The following DCAF12 variants were observed in gnomAD, a reference collection of about 807,000 sequenced individuals.
The protein encoded by DCAF12 is DDB1 and CUL4 associated factor 12, also known as DDB1- and CUL4-associated factor 12.
A neutral mutation model predicts 52.8 loss-of-function variants in DCAF12; 28 were observed. That is an observed-to-expected ratio of 0.53 (90% confidence interval 0.39 to 0.73). The LOEUF (loss-of-function observed/expected upper bound fraction) is 0.73. Ranked by LOEUF, DCAF12 falls within the 30% of genes least tolerant of loss-of-function variation. The pLI, the probability that DCAF12 is intolerant of heterozygous loss-of-function variation, is 0.00. For synonymous variants in DCAF12, 196 were observed against 215.5 expected, an observed-to-expected ratio of 0.91 and a Z score of 0.79; for missense variants, 425 against 552.2, an observed-to-expected ratio of 0.77 and a Z score of 2.31.
intron 2 of DCAF12, among the ~76,000 whole-genome samples, chr9:34,120,295 C>A (rs1829151269): frequency 6.7e-6 from 1 of 150,122 alleles, no homozygotes; most frequent in Non-Finnish European, 1.5e-5. Context: ...CAGGAGGATC[C>A]CTTGGGCCCA....
At chr9:34,097,340 C>G (rs963836481) in intron 5 of DCAF12, among the ~76,000 whole-genome samples, 5 of 149,170 alleles carry the variant, frequency 3.4e-5, no homozygotes, top group Non-Finnish European at 7.4e-5. Flanking sequence ...CGGCTCACTG[C>G]CAACCTCCAC....
chr9:34,105,207 C>T (rs1008820726), intron 4 of DCAF12, among the ~76,000 whole-genome samples: 2 of 151,242 alleles, frequency 1.3e-5, no homozygotes, highest in Non-Finnish European at 2.9e-5. Context: ...GAGCCGAGGT[C>T]GTGCTACTGC....
rs1411604673 is a variant in DCAF12 at position 34,088,473 on chromosome 9, G to A, written c.1239C>T (p.Asp413=). ...AAACAGCATTGGGGAAGAAGTCAAT[G>A]TCTGAAAAGTAATTCCTCCAGGTTT... ...HDETWRNYFS[D]IDFFPNAVYT... Residue 413 remains aspartate (D), a synonymous_variant, in exon 9 of 9, where the codon GAC becomes GAT. Coordinates refer to ENST00000361264, the MANE Select transcript of DCAF12 (RefSeq NM_015397.4). The A allele has an allele frequency of 6.2e-7, 1 of 1,614,096 alleles. No individual in the cohort carries two copies. Among genetic ancestry groups the A allele is most frequent in the African/African-American group, 1.3e-5 (1 of 74,934 alleles).
rs1229667019 is a variant in DCAF12, at chr9:34,126,638, G to A, written c.-207C>T. On this transcript the variant is annotated 5_prime_UTR_variant, in exon 1 of 9. Coordinates refer to ENST00000361264, the MANE Select transcript of DCAF12 (RefSeq NM_015397.4). ...AGGACTTGAGCCGGGAAAGGGAAGG[G>A]GAAGCGAGAATGAGCGGCTTTCCGA... 8 of 612,768 alleles carry A rather than the reference G, an allele frequency of 1.3e-5. No homozygotes were observed. Among genetic ancestry groups the A allele is most frequent in the Admixed American group, 9.8e-5 (3 of 30,504 alleles). 38.0% of individuals were successfully genotyped at this position (612,768 alleles called of 1,614,324 possible). A position where few individuals can be genotyped will look rare whatever the true frequency, so the allele number is the denominator to read the frequency against.
At chr9:34,092,205 T>C (rs533166953) in intron 7 of DCAF12, among the ~76,000 whole-genome samples, 295 of 152,308 alleles carry the variant, frequency 1.9e-3, no homozygotes, top group Non-Finnish European at 2.8e-3. Context: ...AAGTATACAA[T>C]TTGAGGTTCT....
chr9:34,101,123 G>A (rs1295157921), intron 4 of DCAF12, among the ~76,000 whole-genome samples: 1 of 147,836 alleles, frequency 6.8e-6, no homozygotes, highest in Non-Finnish European at 1.5e-5. Flanking sequence ...CCAAGCTGGA[G>A]TGCAATAACA....
At chr9:34,121,018 G>T (rs1829166486) in intron 2 of DCAF12, among the ~76,000 whole-genome samples, 2 of 152,138 alleles carry the variant, frequency 1.3e-5, no homozygotes, top group African/African-American at 4.8e-5. Context: ...GCTGTGCGTG[G>T]TGGCATGTGC....
At chr9:34,125,417 T>C in intron 1 of DCAF12, 140 bp from the exon 2 acceptor site, 1 of 1,014,092 alleles carries the variant, frequency 9.9e-7, no homozygotes, top group South Asian at 1.6e-5. Context: ...AGAACAAGAA[T>C]CTCAATCCAG....
At chr9:34,115,277 C>T (rs968433703) in intron 2 of DCAF12, among the ~76,000 whole-genome samples, 3 of 151,214 alleles carry the variant, frequency 2.0e-5, no homozygotes, top group Non-Finnish European at 4.4e-5. Flanking sequence ...AATGGACAGA[C>T]AATATGTATC....
At position 34,122,653 on chromosome 9, in the gene DCAF12, A is replaced by C. The variant is rs1829193100; in HGVS notation, c.333+2370T>G. Among the ~76,000 whole-genome samples, 8 of 151,926 alleles carry C rather than the reference A, an allele frequency of 5.3e-5. No individual in the cohort carries two copies. The South Asian group carries it at 1.5e-3, about 28-fold the overall frequency. ...CATCATGCCCAGCTAATTTGTTTGT[A>C]CTTCTGTAGAAACAGGGTTTCACCA... On this transcript the variant is annotated intron_variant, in intron 2 of 8. Coordinates refer to ENST00000361264, the MANE Select transcript of DCAF12 (RefSeq NM_015397.4).
chr9:34,114,846 C>T (rs1271072902), intron 2 of DCAF12, among the ~76,000 whole-genome samples: 2 of 152,000 alleles, frequency 1.3e-5, no homozygotes, highest in Non-Finnish European at 2.9e-5. Flanking sequence ...AGGAACCTAT[C>T]GTCCCAGCTA....
At chr9:34,105,105 T>C (rs926001109) in intron 4 of DCAF12, among the ~76,000 whole-genome samples, 3 of 151,664 alleles carry the variant, frequency 2.0e-5, no homozygotes, top group African/African-American at 7.3e-5. Context: ...ATAGAAAAAT[T>C]AGCCTGGCGT....
At chr9:34,104,354 G>C (rs180741662) in intron 4 of DCAF12, among the ~76,000 whole-genome samples, 3 of 152,154 alleles carry the variant, frequency 2.0e-5, no homozygotes, top group Non-Finnish European at 4.4e-5. Context: ...ACAGAGACAA[G>C]GGCACATCTG....
chr9:34,099,797 T>C (rs1168348709), intron 4 of DCAF12, among the ~76,000 whole-genome samples: 2 of 152,040 alleles, frequency 1.3e-5, no homozygotes, highest in South Asian at 4.1e-4. Context: ...TTTCACCATG[T>C]TGGCCAGGCT....
chr9:34,126,526 C>T lies in DCAF12; in HGVS notation c.-95G>A. 1 of 1,361,412 alleles carries T rather than the reference C, an allele frequency of 7.3e-7. No individual in the cohort carries two copies. The highest frequency in any genetic ancestry group is 9.8e-7 in the Non-Finnish European group (1 of 1,024,924). 84.3% of individuals were successfully genotyped at this position (1,361,412 alleles called of 1,614,324 possible). A position where few individuals can be genotyped will look rare whatever the true frequency, so the allele number is the denominator to read the frequency against. ...TCATATACTGGGCCCCGGGGCCGCG[C>T]ACCTTAGTGCGCCCGGCCCGGAAAA... On this transcript the variant is annotated 5_prime_UTR_variant, in exon 1 of 9. Transcript: ENST00000361264.
At chr9:34,093,646 C>A in intron 6 of DCAF12, 198 bp from the exon 7 acceptor site, 1 of 558,436 alleles carries the variant, frequency 1.8e-6, no homozygotes, top group Non-Finnish European at 3.2e-6. Flanking sequence ...ACGGTAAGAC[C>A]TAGATACTGA....
At chr9:34,100,415 G>A (rs1334497210) in intron 4 of DCAF12, among the ~76,000 whole-genome samples, 1 of 151,430 alleles carries the variant, frequency 6.6e-6, no homozygotes. Flanking sequence ...AGCCAGGATG[G>A]TCTTGATCTC....
chr9:34,092,425 C>T (rs1483904258), intron 7 of DCAF12, among the ~76,000 whole-genome samples: 1 of 152,184 alleles, frequency 6.6e-6, no homozygotes, highest in Non-Finnish European at 1.5e-5. Context: ...CAGTGGCTCA[C>T]GCCTGTAATC....
chr9:34,114,678 G>A (rs1231423667), intron 2 of DCAF12, among the ~76,000 whole-genome samples: 2 of 152,150 alleles, frequency 1.3e-5, no homozygotes, highest in Admixed American at 1.3e-4. Flanking sequence ...TAAGCTCGAG[G>A]CTCGGGCTCC....
Sources: gnomAD v4.1 joint callset for allele counts (sites outside exome capture counted in the v4.1 genomes callset) on GRCh38, gnomAD v4.1.1 for gene constraint, MANE v1.5 for transcripts, NCBI Gene and HGNC (gene_info 2026-07-23, HGNC 2026-07-21) for gene names.